The following WASHC2A variants were observed in gnomAD, a reference collection of about 807,000 sequenced individuals.
The protein encoded by WASHC2A is WASH complex subunit FAM21A.
A neutral mutation model predicts 140.3 loss-of-function variants in WASHC2A; 82 were observed. The ratio of observed to expected loss-of-function variants is 0.58; its 90% CI spans 0.49 to 0.70. WASHC2A has a LOEUF of 0.70. WASHC2A is among the 30% of genes least tolerant of loss of function. WASHC2A has a pLI of 0.00. For synonymous variants in WASHC2A, 340 were observed against 560.8 expected, an observed-to-expected ratio of 0.61 and a Z score of 5.56; for missense variants, 985 against 1,521.8, an observed-to-expected ratio of 0.65 and a Z score of 5.87.
intron 5 of WASHC2A, among the ~76,000 whole-genome samples, chr10:50,083,554 C>CT (rs1206903936): frequency 0.051 from 4,294 of 83,680 alleles, 293 homozygotes; most frequent in Non-Finnish European, 0.075. Context: ...ACTTTGGTAT[C>CT]TTTTTTTTTT....
At chr10:50,128,192 G>A (rs1589288011) in intron 28 of WASHC2A, among the ~76,000 whole-genome samples, 1 of 151,560 alleles carries the variant, frequency 6.6e-6, no homozygotes, top group Admixed American at 6.6e-5. Flanking sequence ...CTTTGCAATC[G>A]GTGCCAGCCC....
chr10:50,081,619 A>T (rs1838886189), intron 5 of WASHC2A, among the ~76,000 whole-genome samples: 1 of 147,922 alleles, frequency 6.8e-6, no homozygotes, highest in African/African-American at 2.5e-5. Flanking sequence ...CCGAATTAAA[A>T]CATGCCACAG....
chr10:50,102,722 G>T (rs1841333479), intron 17 of WASHC2A, among the ~76,000 whole-genome samples: 1 of 146,982 alleles, frequency 6.8e-6, no homozygotes, highest in Non-Finnish European at 1.5e-5. Context: ...CTATTTAATT[G>T]TTCGGCTCTT....
chr10:50,097,879 G>A, intron 16 of WASHC2A, 77 bp downstream of exon 16: 3 of 1,605,620 alleles, frequency 1.9e-6, no homozygotes, highest in Non-Finnish European at 2.6e-6. Context: ...CCAGAGGGAA[G>A]TGCTGTTCCC....
chr10:50,129,153 T>G (rs1048633850), intron 28 of WASHC2A, among the ~76,000 whole-genome samples: 14 of 152,270 alleles, frequency 9.2e-5, no homozygotes, highest in African/African-American at 2.9e-4. Context: ...ACTTTTTGTG[T>G]GAAACTGAAC....
chr10:50,090,515 A>AAAAAAAAAT (rs1214596899), intron 8 of WASHC2A, among the ~76,000 whole-genome samples: 2 of 108,720 alleles, frequency 1.8e-5, no homozygotes, highest in African/African-American at 6.5e-5. Flanking sequence ...AAAAAAAAAA[A>AAAAAAAAAT]ATATATATAT....
intron 17 of WASHC2A, among the ~76,000 whole-genome samples, chr10:50,101,279 G>T (rs1313014949): frequency 6.6e-6 from 1 of 152,310 alleles, no homozygotes; most frequent in African/African-American, 2.4e-5. Flanking sequence ...TGCACCTCAG[G>T]GTCTTTGCAC....
In WASHC2A at chr10:50,105,951, A is replaced by T. The variant is rs1339000311; in HGVS notation, c.1738-383A>T. Among the ~76,000 whole-genome samples, 15 of 152,072 alleles carry T rather than the reference A, an allele frequency of 9.9e-5. No homozygotes were observed. The East Asian group carries it at 2.3e-3, about 24-fold the overall frequency. The stretch of plus-strand genomic sequence containing the variant: ...CTGGTTTCTCATTCGTGGAGACAAC[A>T]GTGTGAGTTTCTGGCTGCTGCGGGG... On this transcript the variant is annotated intron_variant, in intron 18 of 30. Coordinates refer to ENST00000282633, the MANE Select transcript of WASHC2A (RefSeq NM_001005751.3).
At chr10:50,125,016 A>AG (rs1328421653) in intron 23 of WASHC2A, 97 bp from the exon 24 acceptor site, 1 of 1,435,472 alleles carries the variant, frequency 7.0e-7, no homozygotes, top group African/African-American at 1.4e-5. Context: ...ATACAGCTGC[A>AG]GGGGACATCT....
intron 2 of WASHC2A, 119 bp from the exon 3 acceptor site, chr10:50,069,428 A>C: frequency 7.4e-7 from 1 of 1,345,756 alleles, no homozygotes; most frequent in Non-Finnish European, 9.9e-7. Context: ...AAAAAAAAAA[A>C]AGCATTTCTT....
rs573866824 is a variant in WASHC2A at position 50,103,943 on chromosome 10, T to G, written c.1636-99T>G. 425 of 1,128,032 alleles carry G rather than the reference T, an allele frequency of 3.8e-4. No individual in the cohort carries two copies. The East Asian group carries it at 0.01, about 27-fold the overall frequency. The allele number at this position is 1,128,032 out of a possible 1,614,324, so 69.9% of individuals were successfully genotyped here. On this transcript the variant is annotated intron_variant, in intron 17 of 30. Transcript: ENST00000282633. ...CTCTCAGGAAAGAAGCCTAGACACATGGCAGCTGTCATGTCTGAGTCACTT... is the reference window on the plus strand; with the variant it reads ...CTCTCAGGAAAGAAGCCTAGACACAGGGCAGCTGTCATGTCTGAGTCACTT...
At chr10:50,110,040 G>C in intron 19 of WASHC2A, 61 bp from the exon 20 acceptor site, 1 of 1,469,042 alleles carries the variant, frequency 6.8e-7, no homozygotes. Flanking sequence ...AAAGTGCTGG[G>C]ATTATAGGTA....
chr10:50,110,344 A>C (rs1589251120), intron 20 of WASHC2A, 74 bp downstream of exon 20: 2 of 1,594,542 alleles, frequency 1.3e-6, no homozygotes, highest in Non-Finnish European at 1.7e-6. Context: ...TGCACAATCT[A>C]GTTCATCGGG....
intron 14 of WASHC2A, 114 bp from the exon 15 acceptor site, chr10:50,095,485 C>T (rs1337128126): frequency 7.1e-7 from 1 of 1,417,912 alleles, no homozygotes; most frequent in African/African-American, 1.4e-5. Context: ...CCCTGTTATG[C>T]ATTTTGTGGA....
chr10:50,113,444 G>T (rs537849161), intron 20 of WASHC2A, among the ~76,000 whole-genome samples: 1 of 152,030 alleles, frequency 6.6e-6, no homozygotes, highest in South Asian at 2.1e-4. Context: ...CTAAAAAAAA[G>T]AAATAGAAGC....
Position 50,068,148 on chromosome 10 carries a change from A to G in WASHC2A, c.47A>G (p.Glu16Gly). The change falls in exon 2 of 31, where the codon GAG becomes GGG. Residue 16 changes from glutamate to glycine, a missense_variant. Transcript: ENST00000282633. The stretch of plus-strand genomic sequence containing the variant: ...GACCAGGAGCTGGCGCCAGCGTCGG[A>G]GCCCGTGTGGGAGCGGCCGTGGTCG... ...TPDQELAPAS[E>G]PVWERPWSVE... 6.2e-7 allele frequency: 1 copy of G among 1,602,224 alleles called. No homozygotes were observed. The highest frequency in any genetic ancestry group is 8.5e-7 in the Non-Finnish European group (1 of 1,175,320).
chr10:50,125,748 G>A (rs1263117268), intron 25 of WASHC2A, among the ~76,000 whole-genome samples: 2 of 152,296 alleles, frequency 1.3e-5, no homozygotes, highest in African/African-American at 4.8e-5. Context: ...ATACACTGGG[G>A]TGACTAAATA....
chr10:50,130,464 A>G (rs1843853749), intron 29 of WASHC2A, among the ~76,000 whole-genome samples: 1 of 151,802 alleles, frequency 6.6e-6, no homozygotes, highest in East Asian at 1.9e-4. Context: ...TTTCAGTGGC[A>G]TTTGCTCAGC....
intron 5 of WASHC2A, among the ~76,000 whole-genome samples, chr10:50,081,863 C>A (rs1838921012): frequency 6.6e-6 from 1 of 152,218 alleles, no homozygotes; most frequent in African/African-American, 2.4e-5. Context: ...GAACTCCCGA[C>A]CTCAGGTGAT....
Sources: allele counts gnomAD v4.1 joint callset (sites outside exome capture counted in the v4.1 genomes callset), GRCh38; gene constraint gnomAD v4.1.1; transcripts MANE v1.5; gene names NCBI Gene and HGNC (gene_info 2026-07-23, HGNC 2026-07-21).